ESCO1: variants seen among roughly 807,000 people sequenced by gnomAD.
The protein encoded by ESCO1 is N-acetyltransferase ESCO1.
ESCO1 carries 33 observed loss-of-function variants against 83.5 expected under a neutral mutation model. The observed-to-expected ratio is 0.40, with a 90% CI of 0.30 to 0.53. The LOEUF (loss-of-function observed/expected upper bound fraction) is 0.53, where lower values mean the gene tolerates loss of function less well. Among genes scored for constraint, ESCO1 ranks in the 20% least tolerant of loss-of-function variants. ESCO1 has a pLI of 0.63. For missense variants in ESCO1, 855 were observed against 968.0 expected, an observed-to-expected ratio of 0.88 and a Z score of 1.55; for synonymous variants, 332 against 324.3, an observed-to-expected ratio of 1.02 and a Z score of -0.25.
At chr18:21,577,229 T>G (rs1568108618) in intron 2 of ESCO1, among the ~76,000 whole-genome samples, 1 of 148,750 alleles carries the variant, frequency 6.7e-6, no homozygotes, top group Non-Finnish European at 1.5e-5. Flanking sequence ...TGGTGGTGCA[T>G]GCCTGTAATC....
chr18:21,566,339 GATA>G (rs2038259882), intron 5 of ESCO1, 133 bp from the exon 6 acceptor site: 2 of 748,430 alleles, frequency 2.7e-6, no homozygotes, highest in Non-Finnish European at 4.2e-6. Context: ...AAGACCATCT[GATA>G]AAATTAGAAC....
intron 7 of ESCO1, among the ~76,000 whole-genome samples, chr18:21,561,538 T>C (rs1308372063): frequency 1.3e-5 from 2 of 152,108 alleles, no homozygotes; most frequent in Non-Finnish European, 2.9e-5. Flanking sequence ...GCAATTCTCC[T>C]GCCTCAGCCT....
rs979283969 is a variant in ESCO1, at chr18:21,532,677, TG to T, written c.2188-18del. The T allele has an allele frequency of 6.2e-7, 1 of 1,600,530 alleles. No individual in the cohort carries two copies. The highest frequency in any genetic ancestry group is 8.5e-7 in the Non-Finnish European group (1 of 1,173,252). Reference sequence around the variant, plus strand: ...TCTGTAGCCCTACAGGTGTCAAAAATGGGGAAAAAATTTAAGTGAGATTATT... The same window carrying T: ...TCTGTAGCCCTACAGGTGTCAAAAATGGGAAAAAATTTAAGTGAGATTATT... On this transcript the variant is annotated intron_variant, in intron 10 of 11. Transcript: ENST00000269214.
intron 2 of ESCO1, among the ~76,000 whole-genome samples, chr18:21,579,230 G>A (rs551433738): frequency 6.8e-4 from 104 of 151,852 alleles, no homozygotes; most frequent in Admixed American, 1.2e-3. Flanking sequence ...CTGGCCTCAA[G>A]TGATCCACCC....
chr18:21,570,955 GAC>G (rs1598469007), intron 4 of ESCO1, among the ~76,000 whole-genome samples: 2 of 146,292 alleles, frequency 1.4e-5, no homozygotes, highest in East Asian at 4.2e-4. Context: ...CAGCCGGGGT[GAC>G]AGAGTGAGAC....
intron 1 of ESCO1, among the ~76,000 whole-genome samples, chr18:21,597,316 C>A (rs1398338230): frequency 1.3e-5 from 2 of 152,110 alleles, no homozygotes; most frequent in African/African-American, 4.8e-5. Context: ...GTAATACCAT[C>A]ACCATTCCTT....
At chr18:21,588,593 T>C (rs1255045321) in intron 1 of ESCO1, among the ~76,000 whole-genome samples, 1 of 152,114 alleles carries the variant, frequency 6.6e-6, no homozygotes, top group Non-Finnish European at 1.5e-5. Context: ...ATGTATAAGA[T>C]ATCCTACAAA....
At chr18:21,568,212 C>A in intron 4 of ESCO1, 118 bp from the exon 5 acceptor site, 1 of 704,100 alleles carries the variant, frequency 1.4e-6, no homozygotes, top group Non-Finnish European at 2.4e-6. Context: ...GCAATTAATA[C>A]AGACATGAAG....
chr18:21,553,858 C>A (rs529469553), intron 8 of ESCO1, among the ~76,000 whole-genome samples: 1 of 143,364 alleles, frequency 7.0e-6, no homozygotes, highest in South Asian at 2.2e-4. Flanking sequence ...GAAGGAAACT[C>A]TGTCAAAAAA....
chr18:21,554,349 A>C (rs1228429781), intron 8 of ESCO1, among the ~76,000 whole-genome samples: 1 of 152,246 alleles, frequency 6.6e-6, no homozygotes, highest in Non-Finnish European at 1.5e-5. Context: ...CAGCAGCTTT[A>C]CTCATAATTG....
At chr18:21,551,259 A>G (rs1032945802) in intron 8 of ESCO1, among the ~76,000 whole-genome samples, 1 of 152,138 alleles carries the variant, frequency 6.6e-6, no homozygotes, top group African/African-American at 2.4e-5. Flanking sequence ...TCACGAGGTC[A>G]GGAGATCGAT....
At chr18:21,556,515 T>C (rs941357405) in intron 8 of ESCO1, among the ~76,000 whole-genome samples, 32 of 152,212 alleles carry the variant, frequency 2.1e-4, no homozygotes, top group African/African-American at 7.7e-4. Flanking sequence ...AGCAGCACTA[T>C]CCAAGAGAAC....
intron 1 of ESCO1, among the ~76,000 whole-genome samples, chr18:21,586,981 G>A (rs796618018): frequency 2.6e-5 from 4 of 152,070 alleles, no homozygotes; most frequent in African/African-American, 9.6e-5. Flanking sequence ...TTTTTTTTCT[G>A]CATCTATTGA....
At chr18:21,535,511 T>C (rs966095094) in intron 10 of ESCO1, among the ~76,000 whole-genome samples, 2 of 151,780 alleles carry the variant, frequency 1.3e-5, no homozygotes, top group South Asian at 2.1e-4. Context: ...GCCTCCCCAA[T>C]AGCTGGGACT....
At chr18:21,551,761 G>A (rs1194964992) in intron 8 of ESCO1, among the ~76,000 whole-genome samples, 6 of 152,204 alleles carry the variant, frequency 3.9e-5, no homozygotes, top group African/African-American at 7.2e-5. Flanking sequence ...TTCTAGTGTC[G>A]TGTGGAGCTT....
chr18:21,552,682 A>G (rs576925230), intron 8 of ESCO1, among the ~76,000 whole-genome samples: 1 of 152,362 alleles, frequency 6.6e-6, no homozygotes, highest in African/African-American at 2.4e-5. Context: ...ACCCGGAAAC[A>G]GACTCATATA....
At chr18:21,556,608 T>C (rs1214848069) in intron 8 of ESCO1, among the ~76,000 whole-genome samples, 1 of 152,176 alleles carries the variant, frequency 6.6e-6, no homozygotes, top group Non-Finnish European at 1.5e-5. Flanking sequence ...CACTGGATAG[T>C]ACGACCGAAG....
chr18:21,543,531 T>C (rs2037933635), intron 8 of ESCO1, among the ~76,000 whole-genome samples: 1 of 152,152 alleles, frequency 6.6e-6, no homozygotes, highest in Non-Finnish European at 1.5e-5. Context: ...AGGATTACAA[T>C]TGGAAACAAA....
intron 2 of ESCO1, among the ~76,000 whole-genome samples, chr18:21,577,720 A>G (rs981856789): frequency 6.6e-6 from 1 of 152,038 alleles, no homozygotes; most frequent in African/African-American, 2.4e-5. Context: ...ACTAGCACTC[A>G]GAAGACTAGA....
Sources: gnomAD v4.1 joint callset for allele counts (sites outside exome capture counted in the v4.1 genomes callset) on GRCh38, gnomAD v4.1.1 for gene constraint, MANE v1.5 for transcripts, NCBI Gene and HGNC (gene_info 2026-07-23, HGNC 2026-07-21) for gene names.